Variants in DCLK1 observed in about 807,000 individuals in gnomAD.
DCLK1 encodes the protein doublecortin like kinase 1, also known as serine/threonine-protein kinase DCLK1.
DCLK1 carries 16 observed loss-of-function variants against 86.2 expected under a neutral mutation model. The observed-to-expected ratio is 0.19, with a 90% CI of 0.13 to 0.28. DCLK1 has a LOEUF of 0.28. DCLK1 is among the 10% of genes least tolerant of loss of function. The pLI, the probability that DCLK1 is intolerant of heterozygous loss-of-function variation, is 1.00. For synonymous variants in DCLK1, 369 were observed against 370.5 expected (o/e 1.00, Z 0.05); for missense variants, 590 against 940.2 (o/e 0.63, Z 4.87).
chr13:35,966,528 C>G (rs1051722473), intron 3 of DCLK1, among the ~76,000 whole-genome samples: 2 of 139,470 alleles, frequency 1.4e-5, no homozygotes, highest in East Asian at 4.3e-4. Flanking sequence ...CCCTCTCCCT[C>G]TTTGCACGGT....
At chr13:35,791,752 A>G (rs1214627391) in intron 16 of DCLK1, among the ~76,000 whole-genome samples, 2 of 152,204 alleles carry the variant, frequency 1.3e-5, no homozygotes, top group Admixed American at 6.5e-5. Flanking sequence ...ACCAGGAAAA[A>G]AAAAGAAAAC....
In DCLK1 at chr13:36,040,361, CTCCATAG is replaced by C. The variant is rs148320670; in HGVS notation, c.723+71501_723+71507del. Among the ~76,000 whole-genome samples, 493 of 126,664 alleles carry C rather than the reference CTCCATAG, an allele frequency of 3.9e-3. 6 individuals carry two copies. The highest frequency in any genetic ancestry group is 6.5e-3 in the Non-Finnish European group (391 of 59,928). 83.1% of individuals were successfully genotyped at this position (126,664 alleles called of 152,430 possible). On this transcript the variant is annotated intron_variant, in intron 3 of 16. Transcript: ENST00000360631. ...CTACTCAGAGATTTGCAGGGTATTC[CTCCATAG>C]GAATACCCTGCAAATCTCTGAGTAG...
intron 3 of DCLK1, among the ~76,000 whole-genome samples, chr13:36,037,849 C>G (rs1191243088): frequency 6.6e-6 from 1 of 151,676 alleles, no homozygotes; most frequent in African/African-American, 2.4e-5. Context: ...GATAATGTAT[C>G]AATTAAAAAA....
intron 3 of DCLK1, among the ~76,000 whole-genome samples, chr13:36,073,930 T>C (rs1308931506): frequency 2.6e-5 from 4 of 152,176 alleles, no homozygotes; most frequent in African/African-American, 9.7e-5. Context: ...AAGTTAGGGA[T>C]GTATTTCTAT....
chr13:36,009,026 T>C (rs1315045664), intron 3 of DCLK1, among the ~76,000 whole-genome samples: 1 of 103,804 alleles, frequency 9.6e-6, no homozygotes, highest in Non-Finnish European at 1.9e-5. Context: ...TGTCTTCTTT[T>C]GAGAAGTGTC....
At chr13:36,014,096 C>T (rs527946255) in intron 3 of DCLK1, among the ~76,000 whole-genome samples, 15 of 152,320 alleles carry the variant, frequency 9.8e-5, no homozygotes, top group Admixed American at 7.8e-4. Context: ...CACTGGCCTG[C>T]GCCCACTGTC....
At chr13:36,093,075 A>G (rs982555730) in intron 3 of DCLK1, among the ~76,000 whole-genome samples, 6 of 152,238 alleles carry the variant, frequency 3.9e-5, no homozygotes, top group African/African-American at 1.4e-4. Context: ...AAAACTATTA[A>G]CAGACTGCAG....
intron 3 of DCLK1, among the ~76,000 whole-genome samples, chr13:36,074,662 A>G (rs1285401542): frequency 3.3e-5 from 5 of 152,210 alleles, no homozygotes; most frequent in Admixed American, 6.5e-5. Context: ...CTCAGCTCCT[A>G]TAGACACCTA....
intron 3 of DCLK1, among the ~76,000 whole-genome samples, chr13:36,048,504 A>G (rs1387900398): frequency 6.6e-6 from 1 of 152,190 alleles, no homozygotes; most frequent in African/African-American, 2.4e-5. Context: ...TAAAGAATGT[A>G]TATTCTCAGT....
chr13:35,989,893 T>A (rs1275865596), intron 3 of DCLK1, among the ~76,000 whole-genome samples: 1 of 152,112 alleles, frequency 6.6e-6, no homozygotes, highest in African/African-American at 2.4e-5. Flanking sequence ...ATTTTTCACC[T>A]TAGAAGAAAA....
intron 3 of DCLK1, among the ~76,000 whole-genome samples, chr13:35,985,918 C>A (rs960244555): frequency 6.6e-6 from 1 of 152,124 alleles, no homozygotes; most frequent in South Asian, 2.1e-4. Flanking sequence ...CAGTATTGAT[C>A]CCCAGATTTA....
At chr13:35,775,605 A>T (rs1593576739) in intron 16 of DCLK1, among the ~76,000 whole-genome samples, 1 of 152,336 alleles carries the variant, frequency 6.6e-6, no homozygotes, top group African/African-American at 2.4e-5. Flanking sequence ...GCAGAAGAGT[A>T]GGTATGAGGT....
At position 35,982,431 on chromosome 13, in the gene DCLK1, A is replaced by G. The variant is rs74568687; in HGVS notation, c.724-34974T>C. Among the ~76,000 whole-genome samples the G allele has an allele frequency of 4.4e-3, 181 of 41,216 alleles. 28 individuals carry two copies. The highest frequency in any genetic ancestry group is 0.014 in the East Asian group (16 of 1,166). 27.0% of individuals were successfully genotyped at this position (41,216 alleles called of 152,430 possible). ...AAGGGAGAGAGAGAGAGAGAGAGAG[A>G]GGGGGAGGGAGGGAGGGAGGGAGGG... is the stretch of plus-strand genomic sequence containing the variant. On this transcript the variant is annotated intron_variant, in intron 3 of 16. Transcript: ENST00000360631.
intron 3 of DCLK1, among the ~76,000 whole-genome samples, chr13:36,068,069 T>C (rs1245501347): frequency 1.3e-5 from 2 of 152,252 alleles, no homozygotes; most frequent in East Asian, 1.9e-4. Context: ...CCATGGACTA[T>C]GACCACACCG....
chr13:36,081,939 C>T (rs1274013317), intron 3 of DCLK1, among the ~76,000 whole-genome samples: 1 of 152,160 alleles, frequency 6.6e-6, no homozygotes, highest in African/African-American at 2.4e-5. Flanking sequence ...ACTTTAGCAT[C>T]CTGCAAACCA....
intron 4 of DCLK1, among the ~76,000 whole-genome samples, chr13:35,922,363 C>A (rs1190526881): frequency 6.6e-6 from 1 of 152,136 alleles, no homozygotes; most frequent in Admixed American, 6.5e-5. Flanking sequence ...GGGAGAAGGA[C>A]CACATATCAC....
rs1339471164 is a variant in DCLK1 at position 35,928,526 on chromosome 13, TC to T, written c.823+18831del. On this transcript the variant is annotated intron_variant, in intron 4 of 16. Coordinates refer to ENST00000360631, the MANE Select transcript of DCLK1 (RefSeq NM_001330071.2). ...ACCCACTCTCCATTTACTCCCTTTC[TC>T]CCTTCCCTATTTCATTCTTCTTCAT... is the stretch of plus-strand genomic sequence containing the variant. Among the ~76,000 whole-genome samples the T allele has an allele frequency of 4.6e-5, 7 of 152,264 alleles. No homozygotes were observed. In the South Asian group the frequency reaches 1.0e-3, roughly 23 times the overall value.
chr13:35,899,346 T>TGTGTGTGC, intron 4 of DCLK1, among the ~76,000 whole-genome samples: 1 of 90,360 alleles, frequency 1.1e-5, no homozygotes, highest in Non-Finnish European at 2.4e-5. Context: ...CAAGTGTGTG[T>TGTGTGTGC]GTGTGTGTGT....
chr13:36,019,420 A>G (rs1350982055), intron 3 of DCLK1, among the ~76,000 whole-genome samples: 1 of 152,082 alleles, frequency 6.6e-6, no homozygotes, highest in African/African-American at 2.4e-5. Context: ...TTAACAGATA[A>G]TTATTTATCC....
Sources: allele counts gnomAD v4.1 joint callset (sites outside exome capture counted in the v4.1 genomes callset), GRCh38; gene constraint gnomAD v4.1.1; transcripts MANE v1.5; gene names NCBI Gene and HGNC (gene_info 2026-07-23, HGNC 2026-07-21).